Variants in RGS7 observed in about 807,000 individuals in gnomAD.
The protein encoded by RGS7 is regulator of G protein signaling 7, also known as regulator of G-protein signaling 7.
A neutral mutation model predicts 81.1 loss-of-function variants in RGS7; 27 were observed. That is an observed-to-expected ratio of 0.33 (90% CI 0.25 to 0.46). The LOEUF (loss-of-function observed/expected upper bound fraction) is 0.46. RGS7 is among the 20% of genes least tolerant of loss of function. RGS7 has a pLI of 1.00. For missense variants in RGS7, 396 were observed against 607.4 expected (o/e 0.65, Z 3.66); for synonymous variants, 208 against 207.7 (o/e 1.00, Z -0.01).
chr1:241,042,493 C>T (rs767675549), intron 3 of RGS7, among the ~76,000 whole-genome samples: 7 of 152,034 alleles, frequency 4.6e-5, no homozygotes, highest in Non-Finnish European at 8.8e-5. Context: ...ACTTTTATAA[C>T]TTTAAATAGC....
chr1:241,151,225 T>C lies in RGS7; in HGVS notation c.79-52463A>G, dbSNP rs556449791. On this transcript the variant is annotated intron_variant, in intron 2 of 18. Coordinates refer to ENST00000440928, the MANE Select transcript of RGS7 (RefSeq NM_001364886.1). The stretch of plus-strand genomic sequence containing the variant: ...AGTCAAGTTGACACCTAAAATTAGC[T>C]ATCACGCAGACTGATGTCTGATTTG... 2.6e-5 allele frequency among the ~76,000 whole-genome samples: 4 copies of C among 152,282 alleles called. No individual in the cohort carries two copies. The South Asian group carries it at 8.3e-4, about 32-fold the overall frequency.
intron 6 of RGS7, among the ~76,000 whole-genome samples, chr1:240,888,213 C>T (rs893695182): frequency 6.6e-6 from 1 of 152,184 alleles, no homozygotes; most frequent in African/African-American, 2.4e-5. Context: ...ATTCTTCTGT[C>T]TACCTGCAGA....
intron 2 of RGS7, among the ~76,000 whole-genome samples, chr1:241,305,373 AG>A (rs978406538): frequency 6.6e-6 from 1 of 152,188 alleles, no homozygotes; most frequent in African/African-American, 2.4e-5. Context: ...TTCAGGCATC[AG>A]CGACGCCACT....
At chr1:240,949,098 G>A (rs999457525) in intron 4 of RGS7, among the ~76,000 whole-genome samples, 12 of 152,038 alleles carry the variant, frequency 7.9e-5, no homozygotes, top group African/African-American at 2.9e-4. Flanking sequence ...CAAAAGGGTA[G>A]GTTAGACTAG....
At chr1:241,189,206 TTTTTA>T (rs869094447) in intron 2 of RGS7, among the ~76,000 whole-genome samples, 59 of 152,304 alleles carry the variant, frequency 3.9e-4, no homozygotes, top group African/African-American at 1.4e-3. Context: ...GGCTGAACTA[TTTTTA>T]TTTTACTGTT....
intron 2 of RGS7, among the ~76,000 whole-genome samples, chr1:241,326,437 G>A (rs973507727): frequency 1.3e-5 from 2 of 152,070 alleles, no homozygotes; most frequent in East Asian, 1.9e-4. Flanking sequence ...TTGTTTCTCC[G>A]TGTATCAGTA....
intron 6 of RGS7, among the ~76,000 whole-genome samples, chr1:240,904,975 T>C (rs1215226035): frequency 6.6e-6 from 1 of 152,144 alleles, no homozygotes; most frequent in Non-Finnish European, 1.5e-5. Flanking sequence ...CTAACACTTT[T>C]GCCAGTTCAG....
chr1:241,330,719 T>C (rs996501961), intron 2 of RGS7, among the ~76,000 whole-genome samples: 2 of 152,222 alleles, frequency 1.3e-5, no homozygotes, highest in African/African-American at 4.8e-5. Context: ...AAGGCATATA[T>C]TCTTCCACAC....
intron 9 of RGS7, among the ~76,000 whole-genome samples, chr1:240,866,401 C>T (rs1433645894): frequency 6.6e-6 from 1 of 151,986 alleles, no homozygotes; most frequent in Non-Finnish European, 1.5e-5. Context: ...GTCCCAGCTA[C>T]TCAGGAGGCT....
intron 2 of RGS7, among the ~76,000 whole-genome samples, chr1:241,132,818 A>T (rs2067211641): frequency 6.6e-6 from 1 of 152,186 alleles, no homozygotes; most frequent in South Asian, 2.1e-4. Context: ...GCTGGAGTGC[A>T]GTGGCACAAT....
At chr1:241,042,256 A>T (rs1287043557) in intron 3 of RGS7, among the ~76,000 whole-genome samples, 2 of 150,374 alleles carry the variant, frequency 1.3e-5, no homozygotes, top group African/African-American at 2.4e-5. Flanking sequence ...AATTCAGGTC[A>T]TATAAAAAGG....
intron 9 of RGS7, among the ~76,000 whole-genome samples, chr1:240,866,237 C>T (rs750576466): frequency 1.3e-5 from 2 of 152,184 alleles, no homozygotes; most frequent in Middle Eastern, 3.2e-3. Context: ...GATGGCCGGG[C>T]GCGGTTGCTC....
chr1:240,831,628 TC>T (rs1192575067), intron 9 of RGS7, among the ~76,000 whole-genome samples: 2 of 147,864 alleles, frequency 1.4e-5, no homozygotes, highest in Admixed American at 6.8e-5. Context: ...ATTCCAGACA[TC>T]CTTTTTTTTT....
chr1:241,098,789 C>A (rs985073097), intron 2 of RGS7, 27 bp from the exon 3 acceptor site: 30 of 1,542,230 alleles, frequency 1.9e-5, no homozygotes, highest in Admixed American at 1.2e-4. Context: ...TAATTAAAAC[C>A]TTTATAAAGT....
intron 3 of RGS7, among the ~76,000 whole-genome samples, chr1:241,035,373 T>C (rs1199937664): frequency 6.6e-6 from 1 of 151,286 alleles, no homozygotes; most frequent in East Asian, 1.9e-4. Flanking sequence ...AAAAAAAATA[T>C]AGTACTCTGA....
intron 2 of RGS7, among the ~76,000 whole-genome samples, chr1:241,151,469 G>A (rs1024710854): frequency 3.3e-5 from 5 of 151,930 alleles, no homozygotes; most frequent in African/African-American, 9.7e-5. Context: ...GCTGAAGAAG[G>A]GATCCTAAAC....
At chr1:240,998,829 G>C (rs922958082) in intron 3 of RGS7, 1 of 586,968 alleles carries the variant, frequency 1.7e-6, no homozygotes, top group African/African-American at 1.9e-5. Flanking sequence ...GCTGCCGGAC[G>C]CGGATGGACC....
chr1:240,776,003 G>A lies in RGS7; in HGVS notation c.*217C>T, dbSNP rs1043392095. The A allele has an allele frequency of 2.9e-6, 2 of 683,382 alleles. No homozygotes were observed. Among genetic ancestry groups the A allele is most frequent in the African/African-American group, 1.8e-5 (1 of 56,514 alleles). The allele number at this position is 683,382 out of a possible 1,614,324, so 42.3% of individuals were successfully genotyped here. Reference sequence around the variant, plus strand: ...AGTTTGGAATGGAGGCATTGAGACGGAAGAGTCCATTGGAGATGGAATGTA... The same window carrying A: ...AGTTTGGAATGGAGGCATTGAGACGAAAGAGTCCATTGGAGATGGAATGTA... On this transcript the variant is annotated 3_prime_UTR_variant, in exon 19 of 19. Transcript: ENST00000440928.
chr1:241,287,601 G>A (rs1043092155), intron 2 of RGS7, among the ~76,000 whole-genome samples: 7 of 152,054 alleles, frequency 4.6e-5, no homozygotes, highest in African/African-American at 1.7e-4. Context: ...AGACTAACAC[G>A]CCCTGGATCT....
Sources: allele counts gnomAD v4.1 joint callset (sites outside exome capture counted in the v4.1 genomes callset), GRCh38; gene constraint gnomAD v4.1.1; transcripts MANE v1.5; gene names NCBI Gene and HGNC (gene_info 2026-07-23, HGNC 2026-07-21).